The following FCRL1 variants were observed in gnomAD, a reference collection of about 807,000 sequenced individuals.
FCRL1 encodes Fc receptor-like protein 1.
Under a neutral mutation model 49.2 loss-of-function variants are expected in FCRL1, and 34 were observed. The observed-to-expected ratio is 0.69, with a 90% CI of 0.53 to 0.92. The LOEUF is 0.92. Ranked by LOEUF, FCRL1 falls within the 40% of genes least tolerant of loss-of-function variation. The probability of loss-of-function intolerance (pLI) is 0.00; values close to 1 mark genes in which losing one functional copy is unlikely to be tolerated. For missense variants in FCRL1, 524 were observed against 524.1 expected (o/e 1.00, Z 0.00); for synonymous variants, 218 against 201.6 (o/e 1.08, Z -0.69).
intron 1 of FCRL1, among the ~76,000 whole-genome samples, chr1:157,819,351 C>T (rs944740921): frequency 2.6e-5 from 4 of 152,000 alleles, no homozygotes; most frequent in South Asian, 2.1e-4. Context: ...TGCAGAAGGG[C>T]GTGTAAACCA....
At chr1:157,809,986 G>T (rs1654066120) in intron 1 of FCRL1, among the ~76,000 whole-genome samples, 1 of 152,132 alleles carries the variant, frequency 6.6e-6, no homozygotes, top group Admixed American at 6.5e-5. Flanking sequence ...TAGAAAGAAA[G>T]CCAGCAGAAT....
At chr1:157,816,400 C>T (rs375781966) in intron 1 of FCRL1, among the ~76,000 whole-genome samples, 13 of 151,820 alleles carry the variant, frequency 8.6e-5, no homozygotes, top group East Asian at 1.9e-4. Flanking sequence ...CATCCATTTA[C>T]GTTAAAAACT....
chr1:157,819,979 A>G lies in FCRL1; in HGVS notation c.31+28T>C, dbSNP rs780104889. Reference sequence around the variant, plus strand: ...CAGAGCCCAAGCATGATTGCATCCCATGCCCTGCTCTGAGTTGCCCAACTC... The same window carrying G: ...CAGAGCCCAAGCATGATTGCATCCCGTGCCCTGCTCTGAGTTGCCCAACTC... On this transcript the variant is annotated intron_variant, in intron 1 of 10. Transcript: ENST00000368176. 17 of 1,613,934 alleles carry G rather than the reference A, an allele frequency of 1.1e-5. 1 individual carries two copies. In the South Asian group the frequency reaches 1.8e-4, roughly 17 times the overall value.
At chr1:157,809,211 A>G (rs1477063009) in intron 1 of FCRL1, among the ~76,000 whole-genome samples, 1 of 152,074 alleles carries the variant, frequency 6.6e-6, no homozygotes, top group Non-Finnish European at 1.5e-5. Context: ...GGAAGTGAGT[A>G]TGGATGAAGT....
At chr1:157,813,404 A>G (rs139494490) in intron 1 of FCRL1, among the ~76,000 whole-genome samples, 1 of 152,226 alleles carries the variant, frequency 6.6e-6, no homozygotes, top group Non-Finnish European at 1.5e-5. Context: ...AGATATCATG[A>G]AAATAATCCA....
At chr1:157,807,038 C>T in intron 2 of FCRL1, 64 bp downstream of exon 2, 4 of 1,589,848 alleles carry the variant, frequency 2.5e-6, no homozygotes, top group Non-Finnish European at 3.4e-6. Context: ...CTGCAGGCCT[C>T]CTGTGCTGAC....
At chr1:157,818,026 G>A (rs1465487735) in intron 1 of FCRL1, among the ~76,000 whole-genome samples, 6 of 152,198 alleles carry the variant, frequency 3.9e-5, no homozygotes, top group Admixed American at 6.5e-5. Context: ...CAAAGATGTC[G>A]AGAAAAGAGA....
At chr1:157,801,731 A>G in intron 5 of FCRL1, 154 bp from the exon 6 acceptor site, 1 of 856,818 alleles carries the variant, frequency 1.2e-6, no homozygotes, top group Non-Finnish European at 1.8e-6. Flanking sequence ...CTTTATGACA[A>G]GAGAAGAGCT....
chr1:157,809,460 T>G (rs899658976), intron 1 of FCRL1, among the ~76,000 whole-genome samples: 8 of 152,134 alleles, frequency 5.3e-5, no homozygotes, highest in African/African-American at 1.9e-4. Flanking sequence ...CACAAATGAT[T>G]TGGGGGAGAT....
intron 9 of FCRL1, 47 bp downstream of exon 9, chr1:157,797,821 C>T (rs1242375596): frequency 1.2e-6 from 2 of 1,613,828 alleles, no homozygotes; most frequent in Non-Finnish European, 1.7e-6. Flanking sequence ...TCTCTTGGTT[C>T]TGGGAAAGAC....
At chr1:157,796,230 C>T (rs1651450980) in intron 10 of FCRL1, 60 bp from the exon 11 acceptor site, 1 of 1,378,614 alleles carries the variant, frequency 7.3e-7, no homozygotes, top group African/African-American at 1.4e-5. Flanking sequence ...TCCACTGGTC[C>T]CCTTCCCCAG....
chr1:157,802,134 C>T lies in FCRL1; in HGVS notation c.667G>A (p.Asp223Asn), dbSNP rs777013547. Residue 223 changes from aspartate (D) to asparagine (N), a missense_variant, in exon 5 of 11, where the codon GAT becomes AAT. Asp to Asn is a conservative substitution (Grantham distance 23). Coordinates refer to ENST00000368176, the MANE Select transcript of FCRL1 (RefSeq NM_052938.5). ...GCCTCACAGTGAAGCTCCAGCACAT[C>T]CTCCACTGCAGCCTGGGCCCTGGGA... ...RAPRAQAAVE[D>N]VLELHCEALR... 2.5e-6 allele frequency: 4 copies of T among 1,614,072 alleles called. No individual in the cohort carries two copies. Among genetic ancestry groups the T allele is most frequent in the Admixed American group, 1.7e-5 (1 of 60,018 alleles).
In FCRL1 at chr1:157,795,320, A is replaced by C. The variant is rs1214621176; in HGVS notation, c.*779T>G. ...CAGTGAGGCAAGATTGTGCCACTGCATTCCAGATTGAGTGACAGAGTGAGA... is the reference window on the plus strand; with the variant it reads ...CAGTGAGGCAAGATTGTGCCACTGCCTTCCAGATTGAGTGACAGAGTGAGA... On this transcript the variant is annotated 3_prime_UTR_variant, in exon 11 of 11. Transcript: ENST00000368176. 2.6e-5 allele frequency: 4 copies of C among 152,220 alleles called. No homozygotes were observed. Among genetic ancestry groups the C allele is most frequent in the African/African-American group, 4.8e-5 (2 of 41,454 alleles). 9.4% of individuals were successfully genotyped at this position (152,220 alleles called of 1,614,324 possible).
At chr1:157,818,026 G>C (rs1465487735) in intron 1 of FCRL1, among the ~76,000 whole-genome samples, 1 of 152,080 alleles carries the variant, frequency 6.6e-6, no homozygotes, top group Non-Finnish European at 1.5e-5. Flanking sequence ...CAAAGATGTC[G>C]AGAAAAGAGA....
In FCRL1 at chr1:157,801,543, T is replaced by A. The variant is rs759404984; in HGVS notation, c.921A>T (p.Ser307=). 2 of 1,613,886 alleles carry A rather than the reference T, an allele frequency of 1.2e-6. No homozygotes were observed. The highest frequency in any genetic ancestry group is 8.5e-7 in the Non-Finnish European group (1 of 1,179,850). Reference sequence around the variant, plus strand: ...TGCTGAGCAGCCCCTCAATGACTCCTGAGGTAAGATGATTGCTTCTGGCCC... The same window carrying A: ...TGCTGAGCAGCCCCTCAATGACTCCAGAGGTAAGATGATTGCTTCTGGCCC... ...PTGARSNHLT[S]GVIEGLLSTL... is the part of the protein sequence containing the mutation. Residue 307 remains serine (S), a synonymous_variant, in exon 6 of 11, where the codon TCA becomes TCT. Coordinates refer to ENST00000368176, the MANE Select transcript of FCRL1 (RefSeq NM_052938.5).
At chr1:157,797,280 C>G in intron 9 of FCRL1, 148 bp from the exon 10 acceptor site, 1 of 914,504 alleles carries the variant, frequency 1.1e-6, no homozygotes, top group African/African-American at 1.7e-5. Flanking sequence ...CTGTTTATCA[C>G]AAATGTGATT....
chr1:157,812,007 C>T (rs1287793561), intron 1 of FCRL1, among the ~76,000 whole-genome samples: 1 of 152,174 alleles, frequency 6.6e-6, no homozygotes, highest in African/African-American at 2.4e-5. Flanking sequence ...AGAAGACCAG[C>T]CATGTGCCTG....
At position 157,802,084 on chromosome 1, in the gene FCRL1, C is replaced by G. The variant is rs1414434020; in HGVS notation, c.717G>C (p.Leu239=). The G allele has an allele frequency of 1.9e-6, 3 of 1,614,206 alleles. No homozygotes were observed. The highest frequency in any genetic ancestry group is 2.2e-5 in the East Asian group (1 of 44,876). Residue 239 remains leucine, a synonymous_variant, in exon 5 of 11, where the codon CTG becomes CTC. Coordinates refer to ENST00000368176, the MANE Select transcript of FCRL1 (RefSeq NM_052938.5). ...TGATATCCTCGTGATAAAACCAGTA[C>G]AGGATCGGAGGAGAGCCTCTCAGGG... The part of the protein sequence containing the change: ...CEALRGSPPI[L]YWFYHEDITL...
chr1:157,803,081 G>A (rs1652800761), intron 3 of FCRL1, among the ~76,000 whole-genome samples: 1 of 152,174 alleles, frequency 6.6e-6, no homozygotes, highest in South Asian at 2.1e-4. Flanking sequence ...TTTTCCATAT[G>A]TAAAAGAGAG....
Sources: allele counts gnomAD v4.1 joint callset (sites outside exome capture counted in the v4.1 genomes callset), GRCh38; gene constraint gnomAD v4.1.1; transcripts MANE v1.5; gene names NCBI Gene and HGNC (gene_info 2026-07-23, HGNC 2026-07-21).